RRM2B: variants seen among roughly 807,000 people sequenced by gnomAD.
RRM2B encodes ribonucleotide reductase regulatory TP53 inducible subunit M2B, also known as ribonucleoside-diphosphate reductase subunit M2 B.
A neutral mutation model predicts 45.9 loss-of-function variants in RRM2B; 20 were observed. The observed-to-expected ratio is 0.44, with a 90% confidence interval of 0.31 to 0.63. RRM2B has a LOEUF of 0.63. Ranked by LOEUF, RRM2B falls within the 30% of genes least tolerant of loss-of-function variation. The pLI, the probability that RRM2B is intolerant of heterozygous loss-of-function variation, is 0.09. For missense variants in RRM2B, 320 were observed against 414.7 expected (o/e 0.77, Z 1.98); for synonymous variants, 124 against 132.3 (o/e 0.94, Z 0.43).
At position 102,224,073 on chromosome 8, in the gene RRM2B, A is replaced by G. The variant is rs1393891531; in HGVS notation, c.523T>C (p.Trp175Arg). The G allele has an allele frequency of 6.2e-7, 1 of 1,613,490 alleles. No homozygotes were observed. The highest frequency in any genetic ancestry group is 8.5e-7 in the Non-Finnish European group (1 of 1,179,454). Residue 175 changes from tryptophan (W) to arginine (R), a missense_variant, in exon 5 of 9, where the codon TGG (tryptophan) becomes CGG (arginine). This residue lies in a region of RRM2B where 225 missense variants were observed against 289.4 expected (regional missense o/e 0.78). Coordinates refer to ENST00000251810, the MANE Select transcript of RRM2B (RefSeq NM_015713.5). ...AAAGTAGATTTTCTATCTGCTATCCATCGCAAGGCCCAATCTGCTTTTTTC... is the reference window on the plus strand; with the variant it reads ...AAAGTAGATTTTCTATCTGCTATCCGTCGCAAGGCCCAATCTGCTTTTTTC... The part of the protein sequence containing the change: ...VKKKADWALR[W>R]IADRKSTFGE...
At chr8:102,209,952 C>G (rs2132541035) in intron 8 of RRM2B, among the ~76,000 whole-genome samples, 1 of 152,208 alleles carries the variant, frequency 6.6e-6, no homozygotes, top group Admixed American at 6.5e-5. Flanking sequence ...GCAGAATAGG[C>G]AAATCTACAG....
chr8:102,238,583 G>C (rs183719190), intron 1 of RRM2B: 2 of 1,525,536 alleles, frequency 1.3e-6, no homozygotes, highest in East Asian at 5.0e-5. Flanking sequence ...TCCAAGCGTC[G>C]TCCTTGGCTG....
chr8:102,207,538 TTTTAAGGAGATAC>T lies in RRM2B; in HGVS notation c.*582_*594del, dbSNP rs1186542915. ...CTTGCGTGAATGAGAATTATGTTCT[TTTTAAGGAGATAC>T]TTATATTCTTCCCCTAAGCATTAAA... On this transcript the variant is annotated 3_prime_UTR_variant, in exon 9 of 9. Transcript: ENST00000251810. The T allele has an allele frequency of 6.6e-6, 1 of 152,286 alleles. No individual in the cohort carries two copies. Among genetic ancestry groups the T allele is most frequent in the Non-Finnish European group, 1.5e-5 (1 of 68,096 alleles). 9.4% of individuals were successfully genotyped at this position (152,286 alleles called of 1,614,324 possible).
intron 7 of RRM2B, among the ~76,000 whole-genome samples, chr8:102,213,168 C>A (rs1387579229): frequency 6.6e-6 from 1 of 151,732 alleles, no homozygotes; most frequent in African/African-American, 2.4e-5. Flanking sequence ...GACTCGGATT[C>A]GTATGCTTTC....
Position 102,208,058 on chromosome 8 carries a change from A to AT in RRM2B, c.*74dup. On this transcript the variant is annotated 3_prime_UTR_variant, in exon 9 of 9. Coordinates refer to ENST00000251810, the MANE Select transcript of RRM2B (RefSeq NM_015713.5). ...CAGTCCTTTAAAGGATATACTTAAA[A>AT]TTTTTTTTAAGCAGAGGAAAATAGA... The AT allele has an allele frequency of 1.8e-5, 24 of 1,321,898 alleles. No individual in the cohort carries two copies. Among genetic ancestry groups the AT allele is most frequent in the Non-Finnish European group, 2.3e-5 (21 of 930,926 alleles). 81.9% of individuals were successfully genotyped at this position (1,321,898 alleles called of 1,614,324 possible).
At position 102,225,011 on chromosome 8, in the gene RRM2B, C is replaced by G. The variant is rs267607025; in HGVS notation, c.329G>C (p.Arg110Pro). ...TGGAACCTGCACCTCCTGACTAAAG[C>G]GCTCCACCTAAGAAGATAAGGAAAA... ...DGIVNENLVE[R>P]FSQEVQVPEA... Residue 110 changes from arginine to proline, a missense_variant, in exon 4 of 9, where the codon CGC becomes CCC. Physicochemically the swap from Arg to Pro is moderately radical, Grantham distance 103. Around this residue, in one of 3 missense-constraint regions of RRM2B, gnomAD observed 225 missense variants for 289.4 expected, o/e 0.78. Coordinates refer to ENST00000251810, the MANE Select transcript of RRM2B (RefSeq NM_015713.5). The G allele has an allele frequency of 6.2e-7, 1 of 1,613,854 alleles. No homozygotes were observed. Among genetic ancestry groups the G allele is most frequent in the Non-Finnish European group, 8.5e-7 (1 of 1,179,968 alleles).
At chr8:102,220,944 T>C (rs569047949) in intron 5 of RRM2B, among the ~76,000 whole-genome samples, 126 of 152,286 alleles carry the variant, frequency 8.3e-4, no homozygotes, top group African/African-American at 2.9e-3. Flanking sequence ...GGCCTCATGA[T>C]TCATTTTAGA....
chr8:102,216,316 T>G (rs1810729659), intron 6 of RRM2B, among the ~76,000 whole-genome samples: 1 of 152,062 alleles, frequency 6.6e-6, no homozygotes, highest in Non-Finnish European at 1.5e-5. Flanking sequence ...CCAATTGCAT[T>G]ACAGACTTAA....
intron 1 of RRM2B, among the ~76,000 whole-genome samples, chr8:102,238,224 C>A (rs1052734017): frequency 6.6e-6 from 1 of 152,200 alleles, no homozygotes; most frequent in African/African-American, 2.4e-5. Context: ...TCTGAAGTAT[C>A]ACTTCCATTG....
At chr8:102,232,026 C>T in intron 2 of RRM2B, 123 bp downstream of exon 2, 1 of 943,122 alleles carries the variant, frequency 1.1e-6, no homozygotes, top group Non-Finnish European at 1.7e-6. Context: ...TCAGTAATTC[C>T]AACACTTATC....
At chr8:102,223,794 T>A (rs1233396838) in intron 5 of RRM2B, among the ~76,000 whole-genome samples, 1 of 152,054 alleles carries the variant, frequency 6.6e-6, no homozygotes, top group Non-Finnish European at 1.5e-5. Flanking sequence ...TGTGACTGAC[T>A]CCTGTTTAAC....
intron 6 of RRM2B, among the ~76,000 whole-genome samples, chr8:102,216,772 ATAAT>A (rs1419271265): frequency 1.3e-5 from 2 of 152,156 alleles, no homozygotes; most frequent in Non-Finnish European, 2.9e-5. Flanking sequence ...AATCTAAGTA[ATAAT>A]TAAACAATGC....
chr8:102,215,280 C>T (rs1810709700), intron 6 of RRM2B, among the ~76,000 whole-genome samples: 1 of 150,658 alleles, frequency 6.6e-6, no homozygotes, highest in African/African-American at 2.4e-5. Flanking sequence ...AGGCATGGTG[C>T]ACACCTGTAG....
At chr8:102,225,042 A>G (rs1351233773) in intron 3 of RRM2B, 24 bp from the exon 4 acceptor site, 22 of 1,613,254 alleles carry the variant, frequency 1.4e-5, no homozygotes, top group Admixed American at 3.3e-5. Flanking sequence ...GAAAATAGAT[A>G]TATCCAGTTC....
rs981652132 is a variant in RRM2B at position 102,206,319 on chromosome 8, T to C, written c.*1814A>G. On this transcript the variant is annotated 3_prime_UTR_variant, in exon 9 of 9. Coordinates refer to ENST00000251810, the MANE Select transcript of RRM2B (RefSeq NM_015713.5). Reference sequence around the variant, plus strand: ...ACTTCCCTGAGCCTCATTCTTTCCATCTGTAATATTTCAATAACAGTTGCT... The same window carrying C: ...ACTTCCCTGAGCCTCATTCTTTCCACCTGTAATATTTCAATAACAGTTGCT... 5 of 152,166 alleles carry C rather than the reference T, an allele frequency of 3.3e-5. No individual in the cohort carries two copies. The highest frequency in any genetic ancestry group is 5.9e-5 in the Non-Finnish European group (4 of 67,998). 9.4% of individuals were successfully genotyped at this position (152,166 alleles called of 1,614,324 possible).
intron 5 of RRM2B, among the ~76,000 whole-genome samples, chr8:102,223,467 C>T (rs1191519198): frequency 2.6e-5 from 4 of 151,928 alleles, no homozygotes; most frequent in Non-Finnish European, 2.9e-5. Context: ...CCAAGGTGGG[C>T]GGGTCACCTG....
At chr8:102,219,552 C>T (rs988227034) in intron 5 of RRM2B, among the ~76,000 whole-genome samples, 16 of 152,192 alleles carry the variant, frequency 1.1e-4, no homozygotes, top group African/African-American at 3.9e-4. Flanking sequence ...TACAAAATGG[C>T]CAATTTTAAA....
chr8:102,226,828 C>A (rs1263780285), intron 2 of RRM2B, among the ~76,000 whole-genome samples: 1 of 152,206 alleles, frequency 6.6e-6, no homozygotes, highest in East Asian at 1.9e-4. Context: ...ATCCTCCTGC[C>A]TCAGCCTCCC....
Position 102,218,823 on chromosome 8 carries a change from G to C in RRM2B, c.675C>G (p.Ser225Arg), listed in dbSNP as rs763191678. ...ACATTCCATTCCTTACTTCATCTCT[G>C]CTGATGAGTTCATTGGAAAAAGTGA... ...PGLTFSNELI[S>R]RDEGLHCDFA... Residue 225 changes from serine (S) to arginine (R), a missense_variant, in exon 6 of 9, where the codon AGC (serine) becomes AGG (arginine). Physicochemically the swap from Ser to Arg is moderately radical, Grantham distance 110 (BLOSUM62 -1). Transcript: ENST00000251810. 6.8e-6 allele frequency: 11 copies of C among 1,611,064 alleles called. No individual in the cohort carries two copies. The highest frequency in any genetic ancestry group is 1.7e-6 in the Non-Finnish European group (2 of 1,177,640).
Sources: allele counts gnomAD v4.1 joint callset (sites outside exome capture counted in the v4.1 genomes callset), GRCh38; gene constraint gnomAD v4.1.1; regional missense constraint gnomAD v4.1.1; transcripts MANE v1.5; gene names NCBI Gene and HGNC (gene_info 2026-07-23, HGNC 2026-07-21).